The following HTR4 variants were observed in gnomAD, a reference collection of about 807,000 sequenced individuals.
HTR4 encodes 5-hydroxytryptamine receptor 4, also known as 5-hydroxytryptamine (serotonin) receptor 4, G protein-coupled.
Under a neutral mutation model 36.8 loss-of-function variants are expected in HTR4, and 16 were observed. The observed-to-expected ratio is 0.43, with a 90% CI of 0.29 to 0.66. The LOEUF (loss-of-function observed/expected upper bound fraction) is 0.66, where lower values mean the gene tolerates loss of function less well. Among genes scored for constraint, HTR4 ranks in the 30% least tolerant of loss-of-function variants. The pLI, the probability that HTR4 is intolerant of heterozygous loss-of-function variation, is 0.13. For missense variants in HTR4, 438 were observed against 490.9 expected (o/e 0.89, Z 1.02); for synonymous variants, 189 against 185.1 (o/e 1.02, Z -0.17).
intron 5 of HTR4, among the ~76,000 whole-genome samples, chr5:148,514,566 A>G (rs116488704): frequency 0.016 from 2,383 of 152,236 alleles, 33 homozygotes; most frequent in Middle Eastern, 0.048. Flanking sequence ...ACTGAAGAGA[A>G]CTGCTTAACC....
chr5:148,626,886 A>G (rs1370454442), intron 2 of HTR4, among the ~76,000 whole-genome samples: 1 of 152,150 alleles, frequency 6.6e-6, no homozygotes, highest in Non-Finnish European at 1.5e-5. Context: ...CCAGCTTTCT[A>G]TAGACATTTT....
chr5:148,535,360 C>T (rs1196131062), intron 4 of HTR4, among the ~76,000 whole-genome samples: 3 of 152,112 alleles, frequency 2.0e-5, no homozygotes, highest in African/African-American at 7.2e-5. Flanking sequence ...ACCAGTTCTC[C>T]AACGAGAGTT....
chr5:148,587,240 T>G (rs1761381662), intron 2 of HTR4, among the ~76,000 whole-genome samples: 1 of 152,228 alleles, frequency 6.6e-6, no homozygotes, highest in Admixed American at 6.5e-5. Flanking sequence ...CTTGAAGATA[T>G]TTATAGTCGC....
At chr5:148,490,600 C>T (rs915471128) in intron 6 of HTR4, 1 of 1,164,722 alleles carries the variant, frequency 8.6e-7, no homozygotes, top group African/African-American at 1.6e-5. Context: ...ATCTACTCAC[C>T]TCTTCCCCAG....
rs114150880 is a variant in HTR4 at position 148,460,294 on chromosome 5, G to A, written c.1077-9022C>T. ...AGATGCCAAACTATAGATCCAGGAA[G>A]CTCAGAGAATACCAAGCAGGATAAA... On this transcript the variant is annotated intron_variant, in intron 5 of 5. Transcript: ENST00000521530. Among the ~76,000 whole-genome samples, 739 of 152,198 alleles carry A rather than the reference G, an allele frequency of 4.9e-3. 2 individuals carry two copies. Among genetic ancestry groups the A allele is most frequent in the Non-Finnish European group, 4.9e-3 (335 of 68,004 alleles).
chr5:148,562,022 A>G (rs1201020888), intron 2 of HTR4, among the ~76,000 whole-genome samples: 1 of 152,238 alleles, frequency 6.6e-6, no homozygotes, highest in East Asian at 1.9e-4. Flanking sequence ...TGATAATGCA[A>G]AAAATCCTTT....
At chr5:148,583,834 C>A (rs1761246001) in intron 2 of HTR4, among the ~76,000 whole-genome samples, 1 of 152,012 alleles carries the variant, frequency 6.6e-6, no homozygotes, top group Non-Finnish European at 1.5e-5. Context: ...TTTTTTAATA[C>A]CCCAAGGAGG....
chr5:148,502,977 G>T (rs899345337), intron 6 of HTR4, among the ~76,000 whole-genome samples: 4 of 152,150 alleles, frequency 2.6e-5, no homozygotes, highest in African/African-American at 9.6e-5. Context: ...AGCCTCCAAG[G>T]AATATGGGAC....
intron 2 of HTR4, among the ~76,000 whole-genome samples, chr5:148,577,346 G>A (rs929110395): frequency 7.9e-5 from 12 of 152,066 alleles, no homozygotes; most frequent in African/African-American, 2.9e-4. Context: ...CAGAGAAAGG[G>A]GAACACTTGT....
intron 4 of HTR4, among the ~76,000 whole-genome samples, chr5:148,524,692 G>A (rs1479936973): frequency 6.6e-6 from 1 of 152,134 alleles, no homozygotes; most frequent in Non-Finnish European, 1.5e-5. Flanking sequence ...AATGCAAAAA[G>A]AGCCTGGAGG....
downstream of HTR4, among the ~76,000 whole-genome samples, chr5:148,472,676 A>G (rs1755598918): frequency 6.6e-6 from 1 of 152,176 alleles, no homozygotes; most frequent in Admixed American, 6.5e-5. Flanking sequence ...CAAGGTAGTC[A>G]ATGAACTTGG....
chr5:148,633,178 C>T (rs1053156738), intron 2 of HTR4, among the ~76,000 whole-genome samples: 1 of 152,090 alleles, frequency 6.6e-6, no homozygotes, highest in African/African-American at 2.4e-5. Context: ...GCCTCCCCAA[C>T]CAGGGCCTGA....
intron 4 of HTR4, among the ~76,000 whole-genome samples, chr5:148,543,793 G>T (rs1759235759): frequency 6.6e-6 from 1 of 152,160 alleles, no homozygotes; most frequent in Admixed American, 6.5e-5. Flanking sequence ...GAACAGGGAG[G>T]AGGTTAACCA....
At chr5:148,583,791 C>A (rs950550580) in intron 2 of HTR4, among the ~76,000 whole-genome samples, 1 of 152,072 alleles carries the variant, frequency 6.6e-6, no homozygotes, top group Admixed American at 6.6e-5. Flanking sequence ...AGCTCCTGTT[C>A]CCTGGGAAGC....
intron 5 of HTR4, among the ~76,000 whole-genome samples, chr5:148,522,801 G>C (rs1420777391): frequency 1.3e-5 from 2 of 152,090 alleles, no homozygotes; most frequent in Admixed American, 1.3e-4. Context: ...AACAAACCTA[G>C]CAGGGCTCTT....
chr5:148,621,395 A>C lies in HTR4; in HGVS notation c.26+15594T>G, dbSNP rs1581558114. Among the ~76,000 whole-genome samples the C allele has an allele frequency of 5.9e-5, 9 of 152,262 alleles. No homozygotes were observed. In the South Asian group the frequency reaches 1.9e-3, roughly 32 times the overall value. ...CTTCTCTGGACTTCTGCTCTTTTCC[A>C]ACCCTATGAGCCACCTGGTCTTCCA... On this transcript the variant is annotated intron_variant, in intron 2 of 6. Transcript: ENST00000377888.
intron 2 of HTR4, among the ~76,000 whole-genome samples, chr5:148,625,200 T>C (rs547871876): frequency 4.6e-5 from 7 of 152,174 alleles, no homozygotes; most frequent in African/African-American, 1.2e-4. Flanking sequence ...AAAAGGTGTT[T>C]GGAGATGATG....
intron 5 of HTR4, among the ~76,000 whole-genome samples, chr5:148,464,243 T>C (rs577495295): frequency 6.6e-6 from 1 of 151,874 alleles, no homozygotes; most frequent in Non-Finnish European, 1.5e-5. Flanking sequence ...ATTGATGAGG[T>C]AGACTTTATT....
chr5:148,478,239 A>T (rs1581353741), downstream of HTR4, among the ~76,000 whole-genome samples: 2 of 152,308 alleles, frequency 1.3e-5, no homozygotes, highest in East Asian at 3.9e-4. Flanking sequence ...CTAAATCAAT[A>T]CTAGTCTCTT....
Sources: allele counts gnomAD v4.1 joint callset (sites outside exome capture counted in the v4.1 genomes callset), GRCh38; gene constraint gnomAD v4.1.1; transcripts MANE v1.5; gene names NCBI Gene and HGNC (gene_info 2026-07-23, HGNC 2026-07-21).